The following CPVL variants were observed in gnomAD, a reference collection of about 807,000 sequenced individuals.
CPVL encodes the protein probable serine carboxypeptidase CPVL.
In CPVL, 51 loss-of-function variants were observed where a neutral mutation model predicts 63.7. The observed-to-expected ratio is 0.80, with a 90% CI of 0.64 to 1.01. The LOEUF is 1.01. CPVL is among the 50% of genes least tolerant of loss of function. The pLI is 0.00. For synonymous variants in CPVL, 195 were observed against 206.0 expected (o/e 0.95, Z 0.46); for missense variants, 530 against 573.1 (o/e 0.92, Z 0.77).
chr7:29,076,596 T>C (rs1784272490), intron 7 of CPVL, among the ~76,000 whole-genome samples: 1 of 152,200 alleles, frequency 6.6e-6, no homozygotes, highest in Non-Finnish European at 1.5e-5. Context: ...AGGGTGCCCT[T>C]ATTATTCCTT....
chr7:29,051,003 AG>A, intron 11 of CPVL, among the ~76,000 whole-genome samples: 1 of 152,342 alleles, frequency 6.6e-6, no homozygotes, highest in Non-Finnish European at 1.5e-5. Context: ...AAGTGGGGAA[AG>A]GACACCCTTT....
chr7:29,139,777 G>A (rs375787195), intron 1 of CPVL, among the ~76,000 whole-genome samples: 6 of 152,084 alleles, frequency 3.9e-5, no homozygotes, highest in East Asian at 1.9e-4. Flanking sequence ...CGGCACAGGC[G>A]GTTCATTCTC....
chr7:29,092,985 T>C (rs1312018415), intron 5 of CPVL, among the ~76,000 whole-genome samples: 1 of 152,130 alleles, frequency 6.6e-6, no homozygotes, highest in East Asian at 1.9e-4. Context: ...TGCCAGATGT[T>C]GATTTAAGGA....
At chr7:29,066,186 G>T in intron 9 of CPVL, 65 bp from the exon 10 acceptor site, 1 of 847,768 alleles carries the variant, frequency 1.2e-6, no homozygotes. Flanking sequence ...AAAATGTACA[G>T]ACATTTGTCA....
chr7:29,061,367 C>T (rs907016532), intron 11 of CPVL, among the ~76,000 whole-genome samples: 2 of 151,956 alleles, frequency 1.3e-5, no homozygotes, highest in Non-Finnish European at 2.9e-5. Flanking sequence ...GAGCCGAGAT[C>T]GTGCCACTGC....
chr7:29,144,263 T>C (rs1414658719), intron 1 of CPVL, among the ~76,000 whole-genome samples: 2 of 152,142 alleles, frequency 1.3e-5, no homozygotes, highest in Non-Finnish European at 2.9e-5. Context: ...ATACTTCCTA[T>C]TAAGAAGGGG....
chr7:29,025,955 T>C (rs997856883), intron 12 of CPVL, among the ~76,000 whole-genome samples: 1 of 152,164 alleles, frequency 6.6e-6, no homozygotes, highest in African/African-American at 2.4e-5. Context: ...TAAACTGCAC[T>C]TTAGACAAAA....
intron 7 of CPVL, 68 bp downstream of exon 7, chr7:29,086,416 C>T: frequency 9.1e-7 from 1 of 1,102,378 alleles, no homozygotes; most frequent in Non-Finnish European, 1.4e-6. Context: ...AATGAACAAA[C>T]TACACTCATA....
intron 11 of CPVL, 87 bp from the exon 12 acceptor site, chr7:29,030,846 G>C: frequency 9.6e-7 from 1 of 1,045,440 alleles, no homozygotes; most frequent in Non-Finnish European, 1.4e-6. Flanking sequence ...GAGCCAGTGA[G>C]AGAGAAAAAG....
At position 29,071,787 on chromosome 7, in the gene CPVL, A is replaced by G; in HGVS notation, c.850T>C (p.Phe284Leu). 3.1e-6 allele frequency: 5 copies of G among 1,613,584 alleles called. No individual in the cohort carries two copies. Among genetic ancestry groups the G allele is most frequent in the Non-Finnish European group, 4.2e-6 (5 of 1,179,808 alleles). ...CIEHIRKQNWFEAFEILDKLL... is the reference protein window; with the variant it reads ...CIEHIRKQNWLEAFEILDKLL... ...CCAGAACTCACTTCAAAGGCCTCAA[A>G]CCAGTTCTGCTTCCTGATGTGTTCT... The change falls in exon 9 of 13, where the codon TTT (phenylalanine) becomes CTT (leucine). Residue 284 changes from phenylalanine to leucine, a missense_variant. By Grantham distance (22) the Phe-to-Leu change is conservative (BLOSUM62 0). Coordinates refer to ENST00000265394, the MANE Select transcript of CPVL (RefSeq NM_031311.5).
At chr7:29,011,412 A>G (rs927321574) in intron 12 of CPVL, 1 of 152,196 alleles carries the variant, frequency 6.6e-6, no homozygotes, top group Non-Finnish European at 1.5e-5. Flanking sequence ...CATCTCTACA[A>G]GAAAATACAA....
At chr7:29,110,547 T>C (rs1788137582) in intron 3 of CPVL, among the ~76,000 whole-genome samples, 1 of 152,148 alleles carries the variant, frequency 6.6e-6, no homozygotes, top group African/African-American at 2.4e-5. Context: ...CAAGTCAGAA[T>C]CTCTGGGGGA....
chr7:29,175,933 T>A (rs1292078208), intron 5 of CPVL, among the ~76,000 whole-genome samples: 1 of 152,122 alleles, frequency 6.6e-6, no homozygotes, highest in Admixed American at 6.5e-5. Flanking sequence ...ATGCCTGTAA[T>A]CCCAGCACTT....
At chr7:29,091,412 G>C (rs957471797) in intron 6 of CPVL, among the ~76,000 whole-genome samples, 2 of 152,096 alleles carry the variant, frequency 1.3e-5, no homozygotes, top group Admixed American at 6.6e-5. Flanking sequence ...TGGGAGGTGG[G>C]GGCGGGGAGT....
chr7:29,045,148 T>C (rs1789492700), intron 11 of CPVL, among the ~76,000 whole-genome samples: 1 of 152,182 alleles, frequency 6.6e-6, no homozygotes, highest in Non-Finnish European at 1.5e-5. Flanking sequence ...GAACATTTCA[T>C]CTAACATAAA....
At chr7:29,022,035 T>C (rs1245947734) in intron 12 of CPVL, among the ~76,000 whole-genome samples, 2 of 152,230 alleles carry the variant, frequency 1.3e-5, no homozygotes, top group Admixed American at 6.5e-5. Context: ...AGCCAAAGCA[T>C]GTACTCTCCA....
intron 9 of CPVL, among the ~76,000 whole-genome samples, chr7:29,066,925 AGCTTTGG>A (rs1783189542): frequency 6.6e-6 from 1 of 152,160 alleles, no homozygotes; most frequent in African/African-American, 2.4e-5. Flanking sequence ...AATGCAAAAG[AGCTTTGG>A]GCTTGGAAAT....
intron 12 of CPVL, among the ~76,000 whole-genome samples, chr7:29,022,110 G>C (rs1463373819): frequency 6.6e-6 from 1 of 152,156 alleles, no homozygotes. Flanking sequence ...CCCAGCAGCA[G>C]GGTGGCTGCA....
In CPVL at chr7:29,108,020, C is replaced by T. The variant is rs529012960; in HGVS notation, c.288+4684G>A. Among the ~76,000 whole-genome samples, 5 of 152,338 alleles carry T rather than the reference C, an allele frequency of 3.3e-5. No homozygotes were observed. The South Asian group carries it at 1.0e-3, about 32-fold the overall frequency. On this transcript the variant is annotated intron_variant, in intron 3 of 12. Coordinates refer to ENST00000265394, the MANE Select transcript of CPVL (RefSeq NM_031311.5). ...TCTCTCCAATTGACTGCTGATTGTG[C>T]TATCTGATCATCCTAGTATCTGATT...
Sources: allele counts gnomAD v4.1 joint callset (sites outside exome capture counted in the v4.1 genomes callset), GRCh38; gene constraint gnomAD v4.1.1; transcripts MANE v1.5; gene names NCBI Gene and HGNC (gene_info 2026-07-23, HGNC 2026-07-21).